The following TAF2 variants were observed in gnomAD, a reference collection of about 807,000 sequenced individuals.
TAF2 encodes TATA-box binding protein associated factor 2, also known as transcription initiation factor TFIID subunit 2.
TAF2 carries 61 observed loss-of-function variants against 138.5 expected under a neutral mutation model. The observed-to-expected ratio is 0.44, with a 90% CI of 0.36 to 0.54. The LOEUF is 0.54. Among genes scored for constraint, TAF2 ranks in the 20% least tolerant of loss-of-function variants. TAF2 has a pLI of 0.00. For missense variants in TAF2, 1,090 were observed against 1,427.9 expected (o/e 0.76, Z 3.81); for synonymous variants, 475 against 469.9 (o/e 1.01, Z -0.14).
chr8:119,746,120 C>G (rs867426233), intron 23 of TAF2, among the ~76,000 whole-genome samples: 1 of 152,010 alleles, frequency 6.6e-6, no homozygotes, highest in Non-Finnish European at 1.5e-5. Context: ...GCCTGTAATC[C>G]TAGCACTTTG....
At chr8:119,783,349 A>T (rs1822803700) in intron 16 of TAF2, 32 bp downstream of exon 16, 2 of 1,608,354 alleles carry the variant, frequency 1.2e-6, no homozygotes, top group Non-Finnish European at 1.7e-6. Flanking sequence ...TATATACAAT[A>T]GTCATTTCCT....
intron 8 of TAF2, among the ~76,000 whole-genome samples, chr8:119,796,602 A>T (rs1163163183): frequency 1.3e-5 from 2 of 152,062 alleles, no homozygotes; most frequent in East Asian, 1.9e-4. Context: ...ATTTCTGTAC[A>T]TTTAAGTTCT....
chr8:119,811,749 T>G (rs1171760232), intron 3 of TAF2, among the ~76,000 whole-genome samples: 1 of 134,578 alleles, frequency 7.4e-6, no homozygotes, highest in Admixed American at 9.1e-5. Flanking sequence ...GAGCTTGCAG[T>G]GAGCCGGGAT....
At chr8:119,753,020 C>T (rs1173690901) in intron 22 of TAF2, among the ~76,000 whole-genome samples, 1 of 152,158 alleles carries the variant, frequency 6.6e-6, no homozygotes, top group Admixed American at 6.5e-5. Context: ...GATGAATCCT[C>T]ATTACCATTT....
intron 25 of TAF2, among the ~76,000 whole-genome samples, chr8:119,734,709 T>A (rs1819105762): frequency 6.6e-6 from 1 of 152,094 alleles, no homozygotes; most frequent in Admixed American, 6.6e-5. Context: ...TCAGCCCTCA[T>A]CCCTCCTAGG....
chr8:119,797,784 A>C lies in TAF2; in HGVS notation c.855T>G (p.His285Gln). ...TTTCTTCATAAAATTCAAAGACTTC[A>C]TGAAGGTATGATGTGGTATGTTTCA... Reference protein sequence around the residue: ...PLLKHTTSYLHEVFEFYEEIL... With the variant: ...PLLKHTTSYLQEVFEFYEEIL... Residue 285 changes from histidine (H) to glutamine (Q), a missense_variant, in exon 7 of 26, where the codon CAT becomes CAG. By Grantham distance (24) the His-to-Gln change is conservative (BLOSUM62 0). Coordinates refer to ENST00000378164, the MANE Select transcript of TAF2 (RefSeq NM_003184.4). The C allele has an allele frequency of 6.2e-7, 1 of 1,613,664 alleles. No individual in the cohort carries two copies. The highest frequency in any genetic ancestry group is 1.3e-5 in the African/African-American group (1 of 75,036).
At chr8:119,796,942 A>AATAAACTTG (rs1186697577) in intron 8 of TAF2, 48 bp downstream of exon 8, 1 of 1,364,836 alleles carries the variant, frequency 7.3e-7, no homozygotes, top group Non-Finnish European at 1.0e-6. Flanking sequence ...AGAAAAGAAA[A>AATAAACTTG]ATAAACTTGA....
At chr8:119,745,794 AATGTGT>A (rs963263192) in intron 23 of TAF2, among the ~76,000 whole-genome samples, 22 of 119,406 alleles carry the variant, frequency 1.8e-4, no homozygotes, top group Non-Finnish European at 3.4e-5. Context: ...AAGGCAAACG[AATGTGT>A]GTGTGTGTGT....
At chr8:119,742,443 A>T in intron 25 of TAF2, 91 bp downstream of exon 25, 5 of 1,511,404 alleles carry the variant, frequency 3.3e-6, no homozygotes, top group Non-Finnish European at 4.5e-6. Flanking sequence ...TGTATTTTTA[A>T]AGGGTTTTTT....
rs142215056 is a variant in TAF2 at position 119,778,065 on chromosome 8, G to A, written c.2318C>T (p.Thr773Ile). ...VHNLCPKEVL[T>I]FILDLIKYND... ...GTACTTGATTAAGTCTAAAATAAAT[G>A]TTAAGACTTCTTTAGGACAAAGATT... is the stretch of plus-strand genomic sequence containing the variant. Residue 773 changes from threonine (T) to isoleucine (I), a missense_variant, in exon 18 of 26, where the codon ACA (threonine) becomes ATA (isoleucine). Physicochemically the swap from Thr to Ile is moderately conservative, Grantham distance 89. Coordinates refer to ENST00000378164, the MANE Select transcript of TAF2 (RefSeq NM_003184.4). The A allele has an allele frequency of 2.3e-5, 36 of 1,593,032 alleles. No individual in the cohort carries two copies. Among genetic ancestry groups the A allele is most frequent in the Non-Finnish European group, 3.4e-6 (4 of 1,163,336 alleles).
intron 18 of TAF2, among the ~76,000 whole-genome samples, chr8:119,768,608 G>A (rs747106923): frequency 7.9e-5 from 12 of 152,168 alleles, no homozygotes; most frequent in Admixed American, 2.0e-4. Flanking sequence ...AATGTTCCAC[G>A]TGCAGATGAG....
intron 3 of TAF2, among the ~76,000 whole-genome samples, chr8:119,815,335 C>G (rs955611866): frequency 1.7e-4 from 25 of 151,100 alleles, no homozygotes; most frequent in Admixed American, 9.2e-4. Context: ...AGGGCAGTGG[C>G]TGGATCTCTG....
intron 15 of TAF2, 108 bp from the exon 16 acceptor site, chr8:119,783,741 G>T: frequency 7.4e-7 from 1 of 1,358,946 alleles, no homozygotes; most frequent in Non-Finnish European, 1.0e-6. Flanking sequence ...TTTAGATGTA[G>T]TATTCAAGAC....
At chr8:119,771,494 C>T (rs758610022) in intron 18 of TAF2, among the ~76,000 whole-genome samples, 82 of 152,054 alleles carry the variant, frequency 5.4e-4, no homozygotes, top group African/African-American at 1.8e-3. Context: ...CCTCGACCTC[C>T]GAAAGTGCTG....
chr8:119,782,359 A>G (rs1822725809), intron 16 of TAF2, among the ~76,000 whole-genome samples: 1 of 152,340 alleles, frequency 6.6e-6, no homozygotes, highest in Admixed American at 6.5e-5. Context: ...CTACAATTTT[A>G]TAGACCTGCT....
chr8:119,816,108 T>A (rs1021476544), intron 3 of TAF2, among the ~76,000 whole-genome samples: 1 of 148,704 alleles, frequency 6.7e-6, no homozygotes, highest in African/African-American at 2.5e-5. Flanking sequence ...TGGAGTGCAG[T>A]GGCGCGATCT....
chr8:119,760,732 C>A lies in TAF2; in HGVS notation c.2565G>T (p.Leu855Phe). The change falls in exon 20 of 26, where the codon TTG (leucine) becomes TTT (phenylalanine). Residue 855 changes from leucine to phenylalanine, a missense_variant. By Grantham distance (22) the Leu-to-Phe change is conservative. This residue lies in a region of TAF2 where 580 missense variants were observed against 719.6 expected (regional missense o/e 0.81). Coordinates refer to ENST00000378164, the MANE Select transcript of TAF2 (RefSeq NM_003184.4). Reference protein sequence around the residue: ...SYRHTITVSCLRAIRVLQKNG... With the variant: ...SYRHTITVSCFRAIRVLQKNG... ...TCTTCTGAAGTACCCGTATGGCTCT[C>A]AAACAACTAGGGAAAAAAATACGTA... 1 of 1,613,798 alleles carries A rather than the reference C, an allele frequency of 6.2e-7. No homozygotes were observed. The highest frequency in any genetic ancestry group is 8.5e-7 in the Non-Finnish European group (1 of 1,179,886).
At chr8:119,797,990 A>G (rs1194492613) in intron 6 of TAF2, 144 bp from the exon 7 acceptor site, 3 of 818,338 alleles carry the variant, frequency 3.7e-6, no homozygotes, top group Non-Finnish European at 5.7e-6. Flanking sequence ...AATGTTGTGA[A>G]AATAGTGATC....
intron 25 of TAF2, among the ~76,000 whole-genome samples, chr8:119,740,284 G>A (rs1819506959): frequency 6.6e-6 from 1 of 152,074 alleles, no homozygotes; most frequent in Non-Finnish European, 1.5e-5. Flanking sequence ...CAAGGGCTAG[G>A]TTTGATATTT....
Sources: gnomAD v4.1 joint callset for allele counts (sites outside exome capture counted in the v4.1 genomes callset) on GRCh38, gnomAD v4.1.1 for gene constraint, gnomAD v4.1.1 regional missense constraint, MANE v1.5 for transcripts, NCBI Gene and HGNC (gene_info 2026-07-23, HGNC 2026-07-21) for gene names.